CREB1: variants seen among roughly 807,000 people sequenced by gnomAD.
CREB1 encodes the protein cAMP responsive element binding protein 1, also known as cyclic AMP-responsive element-binding protein 1.
CREB1 carries 2 observed loss-of-function variants against 42.0 expected under a neutral mutation model. That is an observed-to-expected ratio of 0.05 (90% confidence interval 0.02 to 0.15). CREB1 has a LOEUF of 0.15. Ranked by LOEUF, CREB1 falls within the 10% of genes least tolerant of loss-of-function variation. The pLI, the probability that CREB1 is intolerant of heterozygous loss-of-function variation, is 1.00. For synonymous variants in CREB1, 123 were observed against 139.9 expected (o/e 0.88, Z 0.85); for missense variants, 199 against 388.9 (o/e 0.51, Z 4.11).
intron 1 of CREB1, among the ~76,000 whole-genome samples, chr2:207,546,483 T>G (rs1346106635): frequency 6.6e-6 from 1 of 152,054 alleles, no homozygotes; most frequent in Non-Finnish European, 1.5e-5. Flanking sequence ...TCCCAACACT[T>G]TGAGAGGCTG....
chr2:207,558,509 T>A (rs1421265924), intron 2 of CREB1, among the ~76,000 whole-genome samples: 1 of 152,296 alleles, frequency 6.6e-6, no homozygotes, highest in African/African-American at 2.4e-5. Context: ...CTCGTTCCCA[T>A]CTCTACTACT....
At chr2:207,540,691 AAAAAAAG>A (rs1320340750) in intron 1 of CREB1, among the ~76,000 whole-genome samples, 3 of 149,746 alleles carry the variant, frequency 2.0e-5, no homozygotes, top group East Asian at 1.9e-4. Context: ...AAAAAAAAAA[AAAAAAAG>A]GAAAAAACCT....
chr2:207,539,786 A>G (rs2081021463), intron 1 of CREB1, among the ~76,000 whole-genome samples: 2 of 152,244 alleles, frequency 1.3e-5, no homozygotes, highest in Admixed American at 6.5e-5. Flanking sequence ...GTTGAATACT[A>G]AAGAACTTCA....
At chr2:207,561,096 A>G in intron 3 of CREB1, 1 of 1,611,010 alleles carries the variant, frequency 6.2e-7, no homozygotes, top group East Asian at 2.2e-5. Context: ...CCAGCCTCCC[A>G]TTTCATATTT....
chr2:207,534,148 T>C (rs2080768510), intron 1 of CREB1, among the ~76,000 whole-genome samples: 1 of 152,236 alleles, frequency 6.6e-6, no homozygotes, highest in Non-Finnish European at 1.5e-5. Flanking sequence ...TACCTCAGAA[T>C]TGTGGGGGTT....
At chr2:207,577,475 G>A in intron 6 of CREB1, 30 bp from the exon 7 acceptor site, 1 of 1,611,694 alleles carries the variant, frequency 6.2e-7, no homozygotes, top group Non-Finnish European at 8.5e-7. Flanking sequence ...CAATGTTTCT[G>A]TCTTACACCA....
chr2:207,599,555 A>G lies in CREB1; in HGVS notation c.*2497A>G, dbSNP rs1265845601. 5.1e-6 allele frequency: 1 copy of G among 197,976 alleles called. No homozygotes were observed. Among genetic ancestry groups the G allele is most frequent in the Non-Finnish European group, 1.0e-5 (1 of 95,746 alleles). 12.3% of individuals were successfully genotyped at this position (197,976 alleles called of 1,614,324 possible). On this transcript the variant is annotated 3_prime_UTR_variant, in exon 8 of 8. Transcript: ENST00000353267. ...AGACCTTATCCTTCATACCTTGAGGATGATTGCACTGGTTTTGAAGTCAGT... is the reference window on the plus strand; with the variant it reads ...AGACCTTATCCTTCATACCTTGAGGGTGATTGCACTGGTTTTGAAGTCAGT...
chr2:207,587,693 T>C (rs1474569036), intron 7 of CREB1, among the ~76,000 whole-genome samples: 1 of 152,098 alleles, frequency 6.6e-6, no homozygotes, highest in African/African-American at 2.4e-5. Context: ...AACTCAAACA[T>C]GGAAAGATAA....
rs746383318 is a variant in CREB1 at position 207,575,486 on chromosome 2, A to G, written c.688+32A>G. 5.9e-6 allele frequency: 9 copies of G among 1,522,388 alleles called. No homozygotes were observed. The East Asian group carries it at 2.0e-4, about 35-fold the overall frequency. The allele number at this position is 1,522,388 out of a possible 1,614,324, so 94.3% of individuals were successfully genotyped here. Reference sequence around the variant, plus strand: ...GAATTCAGAATTCACAGGTGTGGTAAATTCTTCAAAATACTAAAATTTTAT... The same window carrying G: ...GAATTCAGAATTCACAGGTGTGGTAGATTCTTCAAAATACTAAAATTTTAT... On this transcript the variant is annotated intron_variant, in intron 6 of 7. Transcript: ENST00000353267.
chr2:207,552,841 C>T (rs947282377), intron 1 of CREB1, among the ~76,000 whole-genome samples: 2 of 152,022 alleles, frequency 1.3e-5, no homozygotes, highest in African/African-American at 4.8e-5. Context: ...ATCTCGAACT[C>T]CTGATCTCAG....
intron 1 of CREB1, among the ~76,000 whole-genome samples, chr2:207,545,624 G>T (rs775270618): frequency 1.3e-5 from 2 of 152,158 alleles, no homozygotes; most frequent in Non-Finnish European, 2.9e-5. Flanking sequence ...CGTAGTAGGC[G>T]CAGAATATTT....
chr2:207,568,399 G>A (rs2082222846), intron 4 of CREB1, among the ~76,000 whole-genome samples: 1 of 151,948 alleles, frequency 6.6e-6, no homozygotes, highest in South Asian at 2.1e-4. Context: ...TTTATTTTAA[G>A]TATAGCTAGT....
intron 6 of CREB1, 74 bp from the exon 7 acceptor site, chr2:207,577,431 A>G (rs1026465340): frequency 3.4e-5 from 53 of 1,549,768 alleles, no homozygotes; most frequent in Middle Eastern, 1.7e-4. Context: ...ACATGCTTAG[A>G]TTGATGATTG....
At chr2:207,571,359 C>A (rs2082356737) in intron 5 of CREB1, among the ~76,000 whole-genome samples, 1 of 152,120 alleles carries the variant, frequency 6.6e-6, no homozygotes. Context: ...AAGAAATATG[C>A]ATGAAAGTTT....
chr2:207,596,888 T>C, intron 7 of CREB1, 26 bp from the exon 8 acceptor site: 3 of 1,585,774 alleles, frequency 1.9e-6, no homozygotes, highest in Non-Finnish European at 2.6e-6. Flanking sequence ...ATTTGCATAA[T>C]TTTTCCCGTC....
intron 7 of CREB1, among the ~76,000 whole-genome samples, chr2:207,590,456 T>C (rs2084814747): frequency 6.6e-6 from 1 of 152,076 alleles, no homozygotes; most frequent in Admixed American, 6.6e-5. Flanking sequence ...TGTATTGATT[T>C]GTACTCTGAT....
chr2:207,567,524 A>G lies in CREB1; in HGVS notation c.323A>G (p.Gln108Arg). Residue 108 changes from glutamine to arginine, a missense_variant, in exon 4 of 8, where the codon CAA becomes CGA. This residue lies in a region of CREB1 where 66 missense variants were observed against 150.8 expected (regional missense o/e 0.44). Transcript: ENST00000353267. ...QESVDSVTDS[Q>R]KRREILSRRP... The stretch of plus-strand genomic sequence containing the variant: ...TCAGTGGATAGTGTAACTGATTCCC[A>G]AAAGCGAAGGGAAATTCTTTCAAGG... 6.2e-7 allele frequency: 1 copy of G among 1,612,482 alleles called. No homozygotes were observed. Among genetic ancestry groups the G allele is most frequent in the East Asian group, 2.2e-5 (1 of 44,752 alleles).
intron 5 of CREB1, among the ~76,000 whole-genome samples, chr2:207,574,800 T>C (rs1418859030): frequency 6.6e-6 from 1 of 152,198 alleles, no homozygotes; most frequent in Non-Finnish European, 1.5e-5. Flanking sequence ...AACTGCTTTA[T>C]TAGTTATATG....
At chr2:207,574,241 A>C (rs2082485749) in intron 5 of CREB1, among the ~76,000 whole-genome samples, 1 of 152,220 alleles carries the variant, frequency 6.6e-6, no homozygotes, top group African/African-American at 2.4e-5. Flanking sequence ...ATGCTTAATC[A>C]GACATGTTGA....
Sources: allele counts gnomAD v4.1 joint callset (sites outside exome capture counted in the v4.1 genomes callset), GRCh38; gene constraint gnomAD v4.1.1; regional missense constraint gnomAD v4.1.1; transcripts MANE v1.5; gene names NCBI Gene and HGNC (gene_info 2026-07-23, HGNC 2026-07-21).